NXPH1: variants seen among roughly 807,000 people sequenced by gnomAD.
The protein encoded by NXPH1 is neurexophilin-1.
In NXPH1, 5 loss-of-function variants were observed where a neutral mutation model predicts 23.7. The ratio of observed to expected loss-of-function variants is 0.21; its 90% CI spans 0.11 to 0.44. The LOEUF (loss-of-function observed/expected upper bound fraction) is 0.44. NXPH1 is among the 20% of genes least tolerant of loss of function. NXPH1 has a pLI of 0.99. For synonymous variants in NXPH1, 144 were observed against 122.2 expected, an observed-to-expected ratio of 1.18 and a Z score of -1.18; for missense variants, 324 against 321.6, an observed-to-expected ratio of 1.01 and a Z score of -0.06.
chr7:8,730,893 G>T (rs1780141087), intron 2 of NXPH1, among the ~76,000 whole-genome samples: 1 of 151,254 alleles, frequency 6.6e-6, no homozygotes, highest in South Asian at 2.1e-4. Flanking sequence ...GGCCTGCCTT[G>T]CTAGATTGGG....
chr7:8,467,377 A>G (rs928854126), intron 2 of NXPH1, among the ~76,000 whole-genome samples: 3 of 152,196 alleles, frequency 2.0e-5, no homozygotes, highest in Non-Finnish European at 2.9e-5. Flanking sequence ...GCACATTTGC[A>G]TATAGTTGGC....
chr7:8,703,072 T>C (rs1779651868), intron 2 of NXPH1, among the ~76,000 whole-genome samples: 1 of 152,124 alleles, frequency 6.6e-6, no homozygotes, highest in Non-Finnish European at 1.5e-5. Context: ...CTCTCCCTTT[T>C]TGCTGCTGTT....
chr7:8,733,285 G>A (rs1307201154), intron 2 of NXPH1, among the ~76,000 whole-genome samples: 19 of 152,102 alleles, frequency 1.2e-4, no homozygotes, highest in Admixed American at 1.2e-3. Flanking sequence ...TCATTGATGG[G>A]CATTTCTGTT....
chr7:8,477,557 G>C (rs1816997441), intron 2 of NXPH1, among the ~76,000 whole-genome samples: 1 of 152,090 alleles, frequency 6.6e-6, no homozygotes, highest in South Asian at 2.1e-4. Flanking sequence ...AATTAAAAAA[G>C]AAATATGCAA....
intron 2 of NXPH1, among the ~76,000 whole-genome samples, chr7:8,621,230 C>A (rs1451787016): frequency 6.6e-6 from 1 of 152,100 alleles, no homozygotes; most frequent in Non-Finnish European, 1.5e-5. Flanking sequence ...AAAGAGAGAA[C>A]TGGAGTCAAA....
At chr7:8,694,641 C>A (rs994658833) in intron 2 of NXPH1, among the ~76,000 whole-genome samples, 3 of 152,018 alleles carry the variant, frequency 2.0e-5, no homozygotes, top group African/African-American at 7.2e-5. Flanking sequence ...TATGTTCTAG[C>A]AGGAAAGGAG....
chr7:8,484,771 T>C (rs1160055930), intron 2 of NXPH1, among the ~76,000 whole-genome samples: 1 of 152,188 alleles, frequency 6.6e-6, no homozygotes, highest in Non-Finnish European at 1.5e-5. Context: ...TGGTATCCTT[T>C]CTTTAATCAG....
At chr7:8,591,071 G>A (rs1185933987) in intron 2 of NXPH1, among the ~76,000 whole-genome samples, 8 of 152,054 alleles carry the variant, frequency 5.3e-5, no homozygotes, top group Admixed American at 3.9e-4. Context: ...AACAGCGTAA[G>A]AAAAGCAGAG....
chr7:8,496,775 A>G (rs547330986), intron 2 of NXPH1, among the ~76,000 whole-genome samples: 1 of 152,212 alleles, frequency 6.6e-6, no homozygotes, highest in South Asian at 2.1e-4. Flanking sequence ...TCACAAGAGA[A>G]AAGTAGTTTC....
At chr7:8,439,533 C>G (rs1055454113) in intron 2 of NXPH1, among the ~76,000 whole-genome samples, 2 of 152,228 alleles carry the variant, frequency 1.3e-5, no homozygotes, top group African/African-American at 2.4e-5. Flanking sequence ...CAGCTCTATT[C>G]TAATGAGAAG....
chr7:8,726,336 A>C (rs1382596999), intron 2 of NXPH1, among the ~76,000 whole-genome samples: 1 of 146,616 alleles, frequency 6.8e-6, no homozygotes, highest in Non-Finnish European at 1.5e-5. Context: ...TGTTTTTTTT[A>C]AATGTATTAT....
At chr7:8,683,705 C>T (rs150540904) in intron 2 of NXPH1, among the ~76,000 whole-genome samples, 66 of 152,154 alleles carry the variant, frequency 4.3e-4, no homozygotes, top group African/African-American at 1.5e-3. Context: ...TTGGCATTAA[C>T]TACTATTACT....
intron 2 of NXPH1, among the ~76,000 whole-genome samples, chr7:8,699,094 T>C (rs1211492822): frequency 1.3e-5 from 2 of 152,152 alleles, no homozygotes; most frequent in East Asian, 3.8e-4. Context: ...TCAAATTTTT[T>C]TGGTCCATTA....
At chr7:8,749,122 A>T (rs1780521780) in intron 2 of NXPH1, among the ~76,000 whole-genome samples, 1 of 152,134 alleles carries the variant, frequency 6.6e-6, no homozygotes, top group African/African-American at 2.4e-5. Context: ...CTCCATATGT[A>T]TTATTTGGTT....
intron 2 of NXPH1, among the ~76,000 whole-genome samples, chr7:8,453,068 TG>T (rs1405457829): frequency 6.6e-6 from 1 of 152,134 alleles, no homozygotes; most frequent in Non-Finnish European, 1.5e-5. Context: ...CACTCCAGTT[TG>T]GAAACTAAAA....
chr7:8,749,780 G>C (rs1045893180), intron 2 of NXPH1, among the ~76,000 whole-genome samples: 2 of 152,138 alleles, frequency 1.3e-5, no homozygotes, highest in African/African-American at 4.8e-5. Context: ...AAAACAGCAA[G>C]TCCGCATATT....
At chr7:8,689,586 G>A (rs1356837534) in intron 2 of NXPH1, among the ~76,000 whole-genome samples, 1 of 152,164 alleles carries the variant, frequency 6.6e-6, no homozygotes, top group East Asian at 1.9e-4. Flanking sequence ...GGAGGCCTTT[G>A]GTAGAAGAAT....
intron 2 of NXPH1, among the ~76,000 whole-genome samples, chr7:8,458,413 T>C (rs1041595531): frequency 6.6e-6 from 1 of 152,208 alleles, no homozygotes; most frequent in African/African-American, 2.4e-5. Context: ...TAATATACCC[T>C]GATACAGATT....
At chr7:8,538,481 C>T (rs1818063173) in intron 2 of NXPH1, among the ~76,000 whole-genome samples, 1 of 151,854 alleles carries the variant, frequency 6.6e-6, no homozygotes, top group Non-Finnish European at 1.5e-5. Context: ...GTTTCTGAAT[C>T]TCAGTCTCTT....
Sources: allele counts gnomAD v4.1 joint callset (sites outside exome capture counted in the v4.1 genomes callset), GRCh38; gene constraint gnomAD v4.1.1; transcripts MANE v1.5; gene names NCBI Gene and HGNC (gene_info 2026-07-23, HGNC 2026-07-21).